The following NEK7 variants were observed in gnomAD, a reference collection of about 807,000 sequenced individuals.
NEK7 encodes serine/threonine-protein kinase Nek7.
Under a neutral mutation model 44.6 loss-of-function variants are expected in NEK7, and 18 were observed. The ratio of observed to expected loss-of-function variants is 0.40; its 90% CI spans 0.28 to 0.60. The LOEUF (loss-of-function observed/expected upper bound fraction) is 0.60, where lower values mean the gene tolerates loss of function less well. Among genes scored for constraint, NEK7 ranks in the 20% least tolerant of loss-of-function variants. The pLI is 0.38. For synonymous variants in NEK7, 130 were observed against 121.1 expected, an observed-to-expected ratio of 1.07 and a Z score of -0.48; for missense variants, 256 against 366.5, an observed-to-expected ratio of 0.70 and a Z score of 2.46.
intron 9 of NEK7, among the ~76,000 whole-genome samples, chr1:198,297,488 A>T (rs1291120449): frequency 6.6e-6 from 1 of 152,198 alleles, no homozygotes; most frequent in Middle Eastern, 3.2e-3. Context: ...TGTGATAAGA[A>T]TAGTAGCTGA....
intron 1 of NEK7, among the ~76,000 whole-genome samples, chr1:198,193,986 G>C (rs1201810753): frequency 6.6e-6 from 1 of 152,106 alleles, no homozygotes; most frequent in Non-Finnish European, 1.5e-5. Context: ...GGCAAGAGAA[G>C]GAAATAAAGG....
At chr1:198,171,681 A>G (rs1664448947) in intron 1 of NEK7, among the ~76,000 whole-genome samples, 2 of 152,014 alleles carry the variant, frequency 1.3e-5, no homozygotes, top group South Asian at 4.2e-4. Flanking sequence ...TCCGTCTGAA[A>G]AAAAAAAAAA....
At chr1:198,159,927 A>G (rs1664050210) in intron 1 of NEK7, among the ~76,000 whole-genome samples, 1 of 152,194 alleles carries the variant, frequency 6.6e-6, no homozygotes, top group African/African-American at 2.4e-5. Context: ...ACTTAATCTC[A>G]TAAGGACCTC....
chr1:198,255,100 A>T (rs1359787949), intron 3 of NEK7, among the ~76,000 whole-genome samples: 1 of 152,118 alleles, frequency 6.6e-6, no homozygotes, highest in Non-Finnish European at 1.5e-5. Flanking sequence ...TGGAGATGTC[A>T]ATTTGAGCTG....
chr1:198,292,870 T>A, intron 7 of NEK7, 75 bp from the exon 8 acceptor site: 2 of 813,486 alleles, frequency 2.5e-6, no homozygotes. Flanking sequence ...TTCAAAATTT[T>A]GTATGTAGTT....
intron 3 of NEK7, among the ~76,000 whole-genome samples, chr1:198,254,368 A>G (rs544826280): frequency 1.3e-5 from 2 of 152,102 alleles, no homozygotes; most frequent in Non-Finnish European, 2.9e-5. Flanking sequence ...CTACATTGGT[A>G]TGAATTTCTA....
At chr1:198,283,612 T>C (rs1349916713) in intron 7 of NEK7, among the ~76,000 whole-genome samples, 1 of 152,126 alleles carries the variant, frequency 6.6e-6, no homozygotes, top group Admixed American at 6.6e-5. Context: ...TATTTTGACA[T>C]AAGTGTAGGA....
At chr1:198,303,292 T>C (rs1355856193) in intron 9 of NEK7, among the ~76,000 whole-genome samples, 4 of 152,186 alleles carry the variant, frequency 2.6e-5, no homozygotes, top group Non-Finnish European at 5.9e-5. Flanking sequence ...TGTTTTCAAA[T>C]GGCTACTGTT....
At chr1:198,160,484 G>A in intron 1 of NEK7, among the ~76,000 whole-genome samples, 1 of 152,134 alleles carries the variant, frequency 6.6e-6, no homozygotes, top group East Asian at 1.9e-4. Context: ...GGAAAACTAC[G>A]AGGGTAGGTA....
chr1:198,308,297 AC>A, intron 9 of NEK7, among the ~76,000 whole-genome samples: 1 of 152,176 alleles, frequency 6.6e-6, no homozygotes, highest in Non-Finnish European at 1.5e-5. Context: ...TGGTAGAGTC[AC>A]AAAAGTTATT....
chr1:198,217,771 A>G (rs1665964017), intron 1 of NEK7, among the ~76,000 whole-genome samples: 1 of 150,966 alleles, frequency 6.6e-6, no homozygotes, highest in African/African-American at 2.4e-5. Context: ...AATCAGTAAC[A>G]CTGCTATACA....
chr1:198,193,213 A>G (rs1262127248), intron 1 of NEK7, among the ~76,000 whole-genome samples: 1 of 152,214 alleles, frequency 6.6e-6, no homozygotes, highest in Non-Finnish European at 1.5e-5. Context: ...TCTAGAAGAA[A>G]TGGGTAAGTT....
chr1:198,210,558 AT>A lies in NEK7; in HGVS notation c.-28-21988del, dbSNP rs533545378. On this transcript the variant is annotated intron_variant, in intron 1 of 9. Transcript: ENST00000367385. ...TAATCCCAAATTTAGTCACTGATTAATTTTTTTAGAAGAGAATTTTGGGAGT... is the reference window on the plus strand; with the variant it reads ...TAATCCCAAATTTAGTCACTGATTAATTTTTTAGAAGAGAATTTTGGGAGT... 1.2e-3 allele frequency among the ~76,000 whole-genome samples: 181 copies of A among 151,938 alleles called. 1 individual carries two copies. Among genetic ancestry groups the A allele is most frequent in the Non-Finnish European group, 2.0e-3 (135 of 67,952 alleles).
At chr1:198,280,554 A>G (rs1429733045) in intron 7 of NEK7, among the ~76,000 whole-genome samples, 1 of 152,008 alleles carries the variant, frequency 6.6e-6, no homozygotes, top group Non-Finnish European at 1.5e-5. Flanking sequence ...TGCCTCTTGT[A>G]AAAGTTCTAA....
At chr1:198,159,095 C>A (rs748461798) in intron 1 of NEK7, among the ~76,000 whole-genome samples, 2 of 152,178 alleles carry the variant, frequency 1.3e-5, no homozygotes, top group African/African-American at 2.4e-5. Flanking sequence ...CCCGGAGGTG[C>A]GGGCCTGAAA....
intron 9 of NEK7, among the ~76,000 whole-genome samples, chr1:198,318,710 C>T (rs1365817342): frequency 1.3e-5 from 2 of 151,992 alleles, no homozygotes; most frequent in South Asian, 2.1e-4. Context: ...TTCTTCTACC[C>T]GATGGATCGA....
Position 198,320,294 on chromosome 1 carries a change from T to G in NEK7, c.*772T>G, listed in dbSNP as rs956202657. On this transcript the variant is annotated 3_prime_UTR_variant, in exon 10 of 10. Coordinates refer to ENST00000367385, the MANE Select transcript of NEK7 (RefSeq NM_133494.3). ...AGTTGCACATTGCCCAAGGCTTTTT[T>G]TGTGTGTTTTTATTGTTGTTTGTAC... 2 of 152,174 alleles carry G rather than the reference T, an allele frequency of 1.3e-5. No individual in the cohort carries two copies. The highest frequency in any genetic ancestry group is 6.5e-5 in the Admixed American group (1 of 15,278). The allele number at this position is 152,174 out of a possible 1,614,324, so 9.4% of individuals were successfully genotyped here. A position where few individuals can be genotyped will look rare whatever the true frequency, so the allele number is the denominator to read the frequency against.
At chr1:198,229,942 A>G (rs967903266) in intron 1 of NEK7, among the ~76,000 whole-genome samples, 11 of 152,186 alleles carry the variant, frequency 7.2e-5, no homozygotes, top group Non-Finnish European at 1.6e-4. Context: ...CCACTTTATT[A>G]TAACCTAGTA....
chr1:198,298,018 G>A (rs993613836), intron 9 of NEK7, among the ~76,000 whole-genome samples: 3 of 152,016 alleles, frequency 2.0e-5, no homozygotes, highest in African/African-American at 7.2e-5. Flanking sequence ...ATCATTTTAC[G>A]AATATTTAAG....
Sources: allele counts gnomAD v4.1 joint callset (sites outside exome capture counted in the v4.1 genomes callset), GRCh38; gene constraint gnomAD v4.1.1; transcripts MANE v1.5; gene names NCBI Gene and HGNC (gene_info 2026-07-23, HGNC 2026-07-21).